The following CACNG7 variants were observed in gnomAD, a reference collection of about 807,000 sequenced individuals.
CACNG7 encodes the protein calcium voltage-gated channel auxiliary subunit gamma 7, also known as voltage-dependent calcium channel gamma-7 subunit.
A neutral mutation model predicts 26.3 loss-of-function variants in CACNG7; 9 were observed. That is an observed-to-expected ratio of 0.34 (90% confidence interval 0.21 to 0.60). The LOEUF (loss-of-function observed/expected upper bound fraction) is 0.60. Among genes scored for constraint, CACNG7 ranks in the 20% least tolerant of loss-of-function variants. The pLI is 0.81. For missense variants in CACNG7, 297 were observed against 380.4 expected, an observed-to-expected ratio of 0.78 and a Z score of 1.82; for synonymous variants, 170 against 157.0, an observed-to-expected ratio of 1.08 and a Z score of -0.62.
chr19:53,924,028 T>C (rs1280226254), intron 4 of CACNG7, among the ~76,000 whole-genome samples: 1 of 128,026 alleles, frequency 7.8e-6, no homozygotes, highest in African/African-American at 3.2e-5. Context: ...TGGTCATTGG[T>C]GGAGTTGCCC....
chr19:53,923,970 G>A (rs1007631388), intron 4 of CACNG7, among the ~76,000 whole-genome samples: 1 of 122,620 alleles, frequency 8.2e-6, no homozygotes, highest in Non-Finnish European at 1.6e-5. Flanking sequence ...GTCTGGTATT[G>A]GTGGAGTTGT....
chr19:53,925,293 C>G (rs1487267176), intron 4 of CACNG7, among the ~76,000 whole-genome samples: 1 of 147,884 alleles, frequency 6.8e-6, no homozygotes, highest in Non-Finnish European at 1.5e-5. Flanking sequence ...TGGAGTTGTC[C>G]CAGGTCTGGT....
At chr19:53,921,341 CCAGG>C (rs2068948883) in intron 4 of CACNG7, among the ~76,000 whole-genome samples, 1 of 144,858 alleles carries the variant, frequency 6.9e-6, no homozygotes, top group African/African-American at 2.7e-5. Flanking sequence ...TGGACTTGCC[CCAGG>C]CTGGTCATTG....
chr19:53,915,658 G>A (rs1226805403), intron 4 of CACNG7, among the ~76,000 whole-genome samples, 153 bp downstream of exon 4: 3 of 152,216 alleles, frequency 2.0e-5, no homozygotes, highest in African/African-American at 7.2e-5. Context: ...AATGGAAATA[G>A]CAGTGCCCAT....
intron 4 of CACNG7, among the ~76,000 whole-genome samples, chr19:53,925,484 G>GGTGGTCATTGGTGGACTTGCCCCAGGT (rs113957992): frequency 1.7e-5 from 2 of 116,684 alleles, no homozygotes; most frequent in African/African-American, 3.7e-5. Flanking sequence ...GTTGCCCCAG[G>GGTGGTCATTGGTGGACTTGCCCCAGGT]CTGGTCATTG....
chr19:53,938,420 T>C (rs906290579), intron 4 of CACNG7, among the ~76,000 whole-genome samples: 5 of 152,074 alleles, frequency 3.3e-5, no homozygotes, highest in African/African-American at 1.2e-4. Flanking sequence ...AGAGATGGTG[T>C]GGGCAGGTAC....
Position 53,942,584 on chromosome 19 carries a change from T to TGA in CACNG7, c.*291_*292insGA. ...CTCTGGCCCCTCCTCTCCAAGAAAA[T>TGA]TAGCTCCTCCCTCGTTCTCCACCTG... On this transcript the variant is annotated 3_prime_UTR_variant, in exon 6 of 6. Coordinates refer to ENST00000391767, the MANE Select transcript of CACNG7 (RefSeq NM_031896.5). The surrounding 1 kb of genome is among the most constrained non-coding windows in gnomAD (Gnocchi z 5.9). 2 of 1,309,688 alleles carry TGA rather than the reference T, an allele frequency of 1.5e-6. No homozygotes were observed. The highest frequency in any genetic ancestry group is 2.2e-5 in the South Asian group (1 of 46,024). The allele number at this position is 1,309,688 out of a possible 1,614,324, so 81.1% of individuals were successfully genotyped here. A position where few individuals can be genotyped will look rare whatever the true frequency, so the allele number is the denominator to read the frequency against.
At chr19:53,924,256 C>T (rs1307953258) in intron 4 of CACNG7, among the ~76,000 whole-genome samples, 2 of 148,268 alleles carry the variant, frequency 1.3e-5, no homozygotes, top group East Asian at 2.0e-4. Flanking sequence ...GTGGAGTTGC[C>T]CCAGGTCTGG....
At chr19:53,919,955 AGGTCT>A (rs1242603180) in intron 4 of CACNG7, among the ~76,000 whole-genome samples, 1 of 114,972 alleles carries the variant, frequency 8.7e-6, no homozygotes, top group African/African-American at 3.9e-5. Flanking sequence ...GAGTTGCCCC[AGGTCT>A]GGTCATTGGT....
chr19:53,909,941 C>A lies in CACNG7; in HGVS notation c.-30+424C>A, dbSNP rs2145894346. 6.6e-6 allele frequency among the ~76,000 whole-genome samples: 1 copy of A among 151,762 alleles called. No individual in the cohort carries two copies. The highest frequency in any genetic ancestry group is 2.1e-4 in the South Asian group (1 of 4,788). On this transcript the variant is annotated intron_variant, in intron 1 of 5. Transcript: ENST00000391767. This position sits in a 1 kb window ranked among gnomAD's most constrained non-coding sequence, Gnocchi z 5.1. ...TGGGCTTAAGACTTGCAGAAGGGGACCCCGGAGATTCAAATGCCTGAATCC... is the reference window on the plus strand; with the variant it reads ...TGGGCTTAAGACTTGCAGAAGGGGAACCCGGAGATTCAAATGCCTGAATCC...
Position 53,911,361 on chromosome 19 carries a change from C to T in CACNG7, c.-29-1442C>T, listed in dbSNP as rs1043919515. 2.0e-5 allele frequency among the ~76,000 whole-genome samples: 3 copies of T among 152,088 alleles called. No individual in the cohort carries two copies. In the East Asian group the frequency reaches 5.8e-4, roughly 29 times the overall value. On this transcript the variant is annotated intron_variant, in intron 1 of 5. Transcript: ENST00000391767. ...GATTCCAGGTGTGAGCCACCTCACC[C>T]AGTCTCAGCTCCTGATTTTGATGTT...
intron 4 of CACNG7, among the ~76,000 whole-genome samples, chr19:53,937,600 T>TCCCCA (rs2069113273): frequency 1.3e-4 from 2 of 15,704 alleles, no homozygotes; most frequent in African/African-American, 2.4e-4. Flanking sequence ...TCCCCTCCCC[T>TCCCCA]CCCCTCCTTC....
intron 4 of CACNG7, among the ~76,000 whole-genome samples, chr19:53,933,284 C>G (rs1247728099): frequency 6.6e-6 from 1 of 150,856 alleles, no homozygotes; most frequent in Non-Finnish European, 1.5e-5. Flanking sequence ...GTGCCCGCCA[C>G]CACGCCTGGC....
chr19:53,914,674 G>T (rs2068883615), intron 3 of CACNG7, 88 bp downstream of exon 3: 2 of 1,225,464 alleles, frequency 1.6e-6, no homozygotes, highest in Non-Finnish European at 2.4e-6. Context: ...CTAGGGAAAG[G>T]GTGGGGTCCA....
At chr19:53,921,583 AGGTCTGGTCATTGGTGGAGTCGTCCC>A (rs2068953369) in intron 4 of CACNG7, among the ~76,000 whole-genome samples, 1 of 97,414 alleles carries the variant, frequency 1.0e-5, no homozygotes, top group African/African-American at 5.6e-5. Context: ...GAGTTGCCCC[AGGTCTGGTCATTGGTGGAGTCGTCCC>A]CAGGTCTGGT....
Position 53,943,368 on chromosome 19 carries a change from C to A in CACNG7, c.*1075C>A. 1 of 152,116 alleles carries A rather than the reference C, an allele frequency of 6.6e-6. No homozygotes were observed. Among genetic ancestry groups the A allele is most frequent in the Non-Finnish European group, 1.5e-5 (1 of 68,132 alleles). 9.4% of individuals were successfully genotyped at this position (152,116 alleles called of 1,614,324 possible). ...GCCTCTTTCAAGGGCCCGTCCGCCC[C>A]GTTGGACAGATTTTGGGGGGAGAGG... is the stretch of plus-strand genomic sequence containing the variant. On this transcript the variant is annotated 3_prime_UTR_variant, in exon 6 of 6. Transcript: ENST00000391767.
At chr19:53,923,492 G>C (rs558404824) in intron 4 of CACNG7, among the ~76,000 whole-genome samples, 2,709 of 119,542 alleles carry the variant, frequency 0.023, 105 homozygotes, top group Non-Finnish European at 0.036. Flanking sequence ...CATTGGTGGA[G>C]TTGTCCCAGG....
intron 4 of CACNG7, among the ~76,000 whole-genome samples, chr19:53,916,688 C>T (rs1200186813): frequency 2.1e-5 from 3 of 145,136 alleles, no homozygotes; most frequent in Non-Finnish European, 4.5e-5. Context: ...TTAATAGAGA[C>T]GGGGTTTCTT....
intron 4 of CACNG7, among the ~76,000 whole-genome samples, chr19:53,935,625 C>CT (rs2069099665): frequency 1.5e-5 from 2 of 129,198 alleles, no homozygotes; most frequent in South Asian, 5.1e-4. Context: ...CCCCACCCTC[C>CT]AATACTGTCT....
Sources: allele counts gnomAD v4.1 joint callset (sites outside exome capture counted in the v4.1 genomes callset), GRCh38; gene constraint gnomAD v4.1.1; non-coding constraint Gnocchi (gnomAD v3.1); transcripts MANE v1.5; gene names NCBI Gene and HGNC (gene_info 2026-07-23, HGNC 2026-07-21).